C12orf56: variants seen among roughly 807,000 people sequenced by gnomAD.
C12orf56 encodes uncharacterized protein C12orf56.
A neutral mutation model predicts 69.9 loss-of-function variants in C12orf56; 71 were observed. The ratio of observed to expected loss-of-function variants is 1.02; its 90% CI spans 0.84 to 1.24. C12orf56 has a LOEUF of 1.24. Ranked by LOEUF, C12orf56 falls within the 50% of genes most tolerant of loss-of-function variation. C12orf56 has a pLI of 0.00. For synonymous variants in C12orf56, 276 were observed against 274.1 expected (o/e 1.01, Z -0.07); for missense variants, 732 against 738.5 (o/e 0.99, Z 0.10).
intron 6 of C12orf56, among the ~76,000 whole-genome samples, chr12:64,301,216 A>G (rs887477363): frequency 1.3e-5 from 2 of 152,204 alleles, no homozygotes; most frequent in African/African-American, 4.8e-5. Context: ...GTTATGTTAA[A>G]TATTAAAAGC....
At chr12:64,276,404 G>T (rs2038051455) in intron 9 of C12orf56, among the ~76,000 whole-genome samples, 1 of 152,114 alleles carries the variant, frequency 6.6e-6, no homozygotes, top group East Asian at 1.9e-4. Context: ...GTCAAGGAAT[G>T]CTTCCCTCTG....
chr12:64,283,167 A>G (rs1204193815), intron 8 of C12orf56, among the ~76,000 whole-genome samples: 1 of 151,608 alleles, frequency 6.6e-6, no homozygotes, highest in Non-Finnish European at 1.5e-5. Flanking sequence ...AAAGAAAGAA[A>G]GAAAAATAAA....
At chr12:64,374,602 G>A (rs544515459) in intron 1 of C12orf56, among the ~76,000 whole-genome samples, 1 of 150,632 alleles carries the variant, frequency 6.6e-6, no homozygotes, top group African/African-American at 2.5e-5. Context: ...GGAGTGCAGT[G>A]GCGAGATCTC....
intron 2 of C12orf56, among the ~76,000 whole-genome samples, chr12:64,351,064 C>A (rs1163899767): frequency 6.6e-6 from 1 of 152,140 alleles, no homozygotes; most frequent in Non-Finnish European, 1.5e-5. Context: ...TCATAAGGAA[C>A]AAAAGTGGAT....
chr12:64,381,362 T>G (rs2039717978), intron 1 of C12orf56, among the ~76,000 whole-genome samples: 1 of 152,294 alleles, frequency 6.6e-6, no homozygotes, highest in East Asian at 1.9e-4. Context: ...CTGGAGCAAT[T>G]TGAGGAGAGT....
chr12:64,268,951 C>T (rs2037946250), intron 12 of C12orf56, among the ~76,000 whole-genome samples: 2 of 152,030 alleles, frequency 1.3e-5, no homozygotes. Context: ...GCCTGGCCAA[C>T]ATGACAAAAC....
intron 6 of C12orf56, among the ~76,000 whole-genome samples, chr12:64,298,894 G>A (rs552579675): frequency 1.3e-5 from 2 of 152,272 alleles, no homozygotes; most frequent in South Asian, 4.1e-4. Flanking sequence ...GAACTTTAAA[G>A]CAGTTCTTTC....
chr12:64,336,872 G>A (rs974078316), intron 2 of C12orf56, among the ~76,000 whole-genome samples: 23 of 152,110 alleles, frequency 1.5e-4, no homozygotes, highest in Admixed American at 1.1e-3. Context: ...TCAATCTTAA[G>A]GGCCGACTTC....
chr12:64,346,352 A>C (rs949814937), intron 2 of C12orf56, among the ~76,000 whole-genome samples: 1 of 152,074 alleles, frequency 6.6e-6, no homozygotes, highest in Non-Finnish European at 1.5e-5. Context: ...TTCTAACCTC[A>C]CTGGCAGCTG....
chr12:64,275,958 C>G lies in C12orf56; in HGVS notation c.1435-586G>C, dbSNP rs188611244. Among the ~76,000 whole-genome samples the G allele has an allele frequency of 8.7e-3, 1,313 of 151,348 alleles. 7 individuals carry two copies. The highest frequency in any genetic ancestry group is 0.014 in the Non-Finnish European group (967 of 67,960). ...TGCATATTTGATTTGCAAAATCAAT[C>G]AGATCAACAACCCTACTTCCTTTCA... is the stretch of plus-strand genomic sequence containing the variant. On this transcript the variant is annotated intron_variant, in intron 9 of 12. Transcript: ENST00000543942.
chr12:64,326,801 A>T (rs923396343), intron 3 of C12orf56, among the ~76,000 whole-genome samples: 2 of 152,150 alleles, frequency 1.3e-5, no homozygotes, highest in African/African-American at 2.4e-5. Flanking sequence ...CCCAAACATA[A>T]AATTTAGAGG....
chr12:64,307,135 TA>T (rs1391289231), intron 5 of C12orf56, among the ~76,000 whole-genome samples: 1 of 152,130 alleles, frequency 6.6e-6, no homozygotes, highest in Non-Finnish European at 1.5e-5. Context: ...AAAATCACTT[TA>T]AATAAAATAC....
chr12:64,380,536 T>C (rs1409215806), intron 1 of C12orf56, among the ~76,000 whole-genome samples: 1 of 152,196 alleles, frequency 6.6e-6, no homozygotes, highest in African/African-American at 2.4e-5. Context: ...CCATGGGAGA[T>C]AGAGAACAGC....
intron 11 of C12orf56, among the ~76,000 whole-genome samples, chr12:64,271,100 G>A (rs773819028): frequency 2.6e-5 from 4 of 152,064 alleles, no homozygotes; most frequent in Non-Finnish European, 4.4e-5. Context: ...GGGAGGCAGA[G>A]GTTGCAGTGA....
chr12:64,270,584 C>G lies in C12orf56; in HGVS notation c.1715G>C (p.Ser572Thr). The part of the protein sequence containing the change: ...FYILKSCLRH[S>T]RTLAEYIRNN... The stretch of plus-strand genomic sequence containing the variant: ...CCTAATATACTCAGCTAGAGTCCTG[C>G]TGTGCCGCAGACAGCTCTTGAGGAT... Residue 572 changes from serine to threonine, a missense_variant, in exon 12 of 13, where the codon AGC (serine) becomes ACC (threonine). Coordinates refer to ENST00000543942, the MANE Select transcript of C12orf56 (RefSeq NM_001170633.2). 1 of 1,612,486 alleles carries G rather than the reference C, an allele frequency of 6.2e-7. No homozygotes were observed. Among genetic ancestry groups the G allele is most frequent in the South Asian group, 1.1e-5 (1 of 90,794 alleles).
chr12:64,321,364 G>C (rs1378697225), intron 3 of C12orf56, among the ~76,000 whole-genome samples: 1 of 152,066 alleles, frequency 6.6e-6, no homozygotes, highest in African/African-American at 2.4e-5. Context: ...TGTAGAGATG[G>C]GGGTCTCACT....
intron 2 of C12orf56, among the ~76,000 whole-genome samples, chr12:64,343,479 G>T (rs563257538): frequency 6.6e-6 from 1 of 152,304 alleles, no homozygotes; most frequent in South Asian, 2.1e-4. Context: ...GCTAGCTGAA[G>T]ACAAATTACT....
At chr12:64,364,041 G>A (rs1423150032) in intron 1 of C12orf56, among the ~76,000 whole-genome samples, 2 of 151,154 alleles carry the variant, frequency 1.3e-5, no homozygotes, top group African/African-American at 2.4e-5. Context: ...GGCCAGGCAC[G>A]GTGGCTCACG....
chr12:64,335,417 CAAAAAAA>C (rs59759648), intron 2 of C12orf56, among the ~76,000 whole-genome samples: 8 of 98,278 alleles, frequency 8.1e-5, no homozygotes, highest in South Asian at 7.6e-4. Context: ...ACTTCATCTC[CAAAAAAA>C]AAAAAAAAAA....
Sources: gnomAD v4.1 joint callset for allele counts (sites outside exome capture counted in the v4.1 genomes callset) on GRCh38, gnomAD v4.1.1 for gene constraint, MANE v1.5 for transcripts, NCBI Gene and HGNC (gene_info 2026-07-23, HGNC 2026-07-21) for gene names.